The following FGF14 variants were observed in gnomAD, a reference collection of about 807,000 sequenced individuals.
FGF14 encodes fibroblast growth factor homologous factor 4.
Under a neutral mutation model 25.5 loss-of-function variants are expected in FGF14, and 5 were observed. The ratio of observed to expected loss-of-function variants is 0.20; its 90% CI spans 0.10 to 0.41. FGF14 has a LOEUF of 0.41. Ranked by LOEUF, FGF14 falls within the 10% of genes least tolerant of loss-of-function variation. The probability of loss-of-function intolerance (pLI) is 1.00; values close to 1 mark genes in which losing one functional copy is unlikely to be tolerated. For synonymous variants in FGF14, 138 were observed against 118.3 expected (o/e 1.17, Z -1.08); for missense variants, 222 against 320.1 (o/e 0.69, Z 2.34).
At chr13:102,110,457 G>A (rs543994685) in intron 1 of FGF14, among the ~76,000 whole-genome samples, 138 of 152,216 alleles carry the variant, frequency 9.1e-4, no homozygotes, top group Middle Eastern at 3.4e-3. Flanking sequence ...GACTATGGCC[G>A]CAACTTGTTT....
At chr13:101,816,645 T>C (rs999343659) in intron 3 of FGF14, among the ~76,000 whole-genome samples, 2 of 152,134 alleles carry the variant, frequency 1.3e-5, no homozygotes, top group Non-Finnish European at 2.9e-5. Flanking sequence ...CATATTTTAA[T>C]AAAAAATATG....
rs1566765136 is a variant in FGF14, at chr13:102,161,647, A to AGGAGG, written c.208+239823_208+239824insCCTCC. Among the ~76,000 whole-genome samples the AGGAGG allele has an allele frequency of 9.6e-4, 19 of 19,828 alleles. 3 individuals are homozygous for AGGAGG. The highest frequency in any genetic ancestry group is 1.6e-3 in the Non-Finnish European group (15 of 9,606). 13.0% of individuals were successfully genotyped at this position (19,828 alleles called of 152,430 possible). On this transcript the variant is annotated intron_variant, in intron 1 of 4. Coordinates refer to the FGF14 transcript ENST00000376131. Reference sequence around the variant, plus strand: ...GAAGAAGAAGAAGAAGAAGAAGAAGAAGAAGAAGAAGAAGAAGAAGAAGAA... The same window carrying AGGAGG: ...GAAGAAGAAGAAGAAGAAGAAGAAGAGGAGGAGAAGAAGAAGAAGAAGAAGAAGAA...
chr13:102,004,921 T>C lies in FGF14; in HGVS notation c.209-129625A>G, dbSNP rs527544919. Among the ~76,000 whole-genome samples the C allele has an allele frequency of 2.6e-5, 4 of 152,324 alleles. No individual in the cohort carries two copies. The East Asian group carries it at 7.7e-4, about 29-fold the overall frequency. On this transcript the variant is annotated intron_variant, in intron 1 of 4. Coordinates refer to the FGF14 transcript ENST00000376131. ...CCTTCTGATATGACTGTAAGTTTCC[T>C]GAGGCCTCCCCAGTCCTGTGGAACT... is the stretch of plus-strand genomic sequence containing the variant.
At chr13:102,218,194 G>T (rs1018343444) in intron 1 of FGF14, among the ~76,000 whole-genome samples, 1 of 151,878 alleles carries the variant, frequency 6.6e-6, no homozygotes, top group Non-Finnish European at 1.5e-5. Flanking sequence ...CATCAAATCC[G>T]TATTTTCTCC....
At chr13:102,401,814 T>C (rs2058708584), upstream of FGF14, 2 of 765,922 alleles carry the variant, frequency 2.6e-6, no homozygotes, top group Non-Finnish European at 4.4e-6. Context: ...ACCGGATTAT[T>C]ACCAAAGGGT....
At chr13:101,953,164 T>C (rs1237853430) in intron 1 of FGF14, among the ~76,000 whole-genome samples, 1 of 152,234 alleles carries the variant, frequency 6.6e-6, no homozygotes, top group Non-Finnish European at 1.5e-5. Context: ...CTATGTCATT[T>C]TGAGAAGTTT....
At chr13:102,068,372 G>C (rs561465473) in intron 1 of FGF14, among the ~76,000 whole-genome samples, 1 of 152,246 alleles carries the variant, frequency 6.6e-6, no homozygotes, top group African/African-American at 2.4e-5. Context: ...CCACTTTGGC[G>C]GCACTTGAGG....
chr13:101,913,725 C>A (rs983894316), intron 1 of FGF14, among the ~76,000 whole-genome samples: 1 of 152,090 alleles, frequency 6.6e-6, no homozygotes. Flanking sequence ...ATCTCTGCAT[C>A]CTTCTTACCT....
At chr13:102,067,730 T>C (rs1174541768) in intron 1 of FGF14, among the ~76,000 whole-genome samples, 2 of 150,160 alleles carry the variant, frequency 1.3e-5, no homozygotes, top group African/African-American at 4.9e-5. Flanking sequence ...GAGATTAGGG[T>C]GGAGAGTTTA....
At chr13:101,798,430 T>C (rs1594288035) in intron 3 of FGF14, among the ~76,000 whole-genome samples, 1 of 152,168 alleles carries the variant, frequency 6.6e-6, no homozygotes, top group Non-Finnish European at 1.5e-5. Flanking sequence ...GAGATTAAAA[T>C]AGCTCAATTA....
intron 3 of FGF14, among the ~76,000 whole-genome samples, chr13:101,809,370 A>T (rs770598750): frequency 6.6e-6 from 1 of 152,122 alleles, no homozygotes; most frequent in Non-Finnish European, 1.5e-5. Context: ...CTCATGTCCT[A>T]TCTGTAGATG....
chr13:102,328,858 T>C (rs1008039067), intron 1 of FGF14, among the ~76,000 whole-genome samples: 23 of 152,216 alleles, frequency 1.5e-4, no homozygotes, highest in African/African-American at 4.8e-4. Flanking sequence ...GATGCCATTA[T>C]TTGTAGGAAT....
intron 3 of FGF14, among the ~76,000 whole-genome samples, chr13:101,750,888 G>A (rs1257050389): frequency 2.0e-5 from 3 of 152,118 alleles, no homozygotes; most frequent in African/African-American, 7.2e-5. Flanking sequence ...CAAAAAATAT[G>A]AGAAACCTTA....
chr13:101,774,805 C>A (rs929994705), intron 3 of FGF14, among the ~76,000 whole-genome samples: 2 of 151,922 alleles, frequency 1.3e-5, no homozygotes, highest in Non-Finnish European at 2.9e-5. Context: ...GTAATCCCAG[C>A]ACTTTGGGAG....
intron 1 of FGF14, among the ~76,000 whole-genome samples, chr13:102,161,614 AAG>A (rs1273430390): frequency 0.086 from 456 of 5,296 alleles, 47 homozygotes; most frequent in African/African-American, 0.32. Flanking sequence ...GAAGAAGAAG[AAG>A]AAGAAGAAGA....
intron 1 of FGF14, among the ~76,000 whole-genome samples, chr13:102,071,479 T>C (rs1304552947): frequency 6.6e-6 from 1 of 152,202 alleles, no homozygotes; most frequent in Non-Finnish European, 1.5e-5. Context: ...TTACTATTTG[T>C]TTTACTTTTC....
chr13:102,112,291 G>A (rs907741259), intron 1 of FGF14, among the ~76,000 whole-genome samples: 8 of 152,244 alleles, frequency 5.3e-5, no homozygotes, highest in East Asian at 3.9e-4. Context: ...CCGTGCTACC[G>A]CAGCTAGACA....
chr13:101,815,822 G>A (rs8000156), intron 3 of FGF14, among the ~76,000 whole-genome samples: 47,772 of 151,906 alleles, frequency 0.31, 7,742 homozygotes, highest in African/African-American at 0.4. Context: ...AGAATGATAT[G>A]AGGAAGAAAC....
chr13:102,267,685 T>C (rs950870117), intron 1 of FGF14, among the ~76,000 whole-genome samples: 1 of 152,108 alleles, frequency 6.6e-6, no homozygotes, highest in African/African-American at 2.4e-5. Context: ...TCAATATAAA[T>C]GAAAAATTAG....
Sources: allele counts gnomAD v4.1 joint callset (sites outside exome capture counted in the v4.1 genomes callset), GRCh38; gene constraint gnomAD v4.1.1; transcripts MANE v1.5; gene names NCBI Gene and HGNC (gene_info 2026-07-23, HGNC 2026-07-21).